Variants in SCHIP1 observed in about 807,000 individuals in gnomAD.
SCHIP1 encodes schwannomin-interacting protein 1.
SCHIP1 carries 8 observed loss-of-function variants against 29.7 expected under a neutral mutation model. The observed-to-expected ratio is 0.27, with a 90% confidence interval of 0.16 to 0.49. The LOEUF is 0.49. SCHIP1 is among the 20% of genes least tolerant of loss of function. The probability of loss-of-function intolerance (pLI) is 0.99; values close to 1 mark genes in which losing one functional copy is unlikely to be tolerated. For synonymous variants in SCHIP1, 76 were observed against 94.9 expected (o/e 0.80, Z 1.16); for missense variants, 193 against 294.6 (o/e 0.66, Z 2.52).
At chr3:159,767,883 C>T in the SCHIP1 span, among the ~76,000 whole-genome samples, 1 of 152,204 alleles carries the variant, frequency 6.6e-6, no homozygotes, top group South Asian at 2.1e-4. Flanking sequence ...TTTGGTCCCT[C>T]TGAAATGTAG....
chr3:159,492,382 T>A, the SCHIP1 span, among the ~76,000 whole-genome samples: 2 of 152,054 alleles, frequency 1.3e-5, no homozygotes, highest in Non-Finnish European at 2.9e-5. Context: ...GTAATTAGAA[T>A]AACCAATGCA....
chr3:159,545,225 G>A, the SCHIP1 span, among the ~76,000 whole-genome samples: 1 of 152,028 alleles, frequency 6.6e-6, no homozygotes, highest in Non-Finnish European at 1.5e-5. Context: ...TAGATTGAAG[G>A]ATACAAAGTA....
chr3:159,565,457 C>T, the SCHIP1 span, among the ~76,000 whole-genome samples: 1 of 152,190 alleles, frequency 6.6e-6, no homozygotes, highest in South Asian at 2.1e-4. Context: ...GGTTTTGGCG[C>T]ATCTCCTATG....
chr3:159,419,295 G>A, the SCHIP1 span, among the ~76,000 whole-genome samples: 1 of 152,118 alleles, frequency 6.6e-6, no homozygotes. Context: ...GACTAGAGGT[G>A]CTGTGTGTGA....
At chr3:159,385,026 C>T in the SCHIP1 span, among the ~76,000 whole-genome samples, 10 of 151,894 alleles carry the variant, frequency 6.6e-5, no homozygotes, top group South Asian at 2.1e-4. Flanking sequence ...GTCTTGCTAG[C>T]GGTCTATCAA....
the SCHIP1 span, among the ~76,000 whole-genome samples, chr3:159,754,383 T>C: frequency 6.6e-6 from 1 of 152,224 alleles, no homozygotes; most frequent in African/African-American, 2.4e-5. Flanking sequence ...TCTTGATTAT[T>C]AGTGAATTTC....
chr3:159,786,533 A>G, the SCHIP1 span, among the ~76,000 whole-genome samples: 2 of 152,218 alleles, frequency 1.3e-5, no homozygotes, highest in South Asian at 2.1e-4. Context: ...AATATCAATG[A>G]CTATTCTTCC....
chr3:159,768,253 C>T, the SCHIP1 span: 7 of 152,342 alleles, frequency 4.6e-5, no homozygotes, highest in East Asian at 5.8e-4. Flanking sequence ...TATTGCACTT[C>T]CTTAGAATTA....
At chr3:159,539,323 C>G in the SCHIP1 span, among the ~76,000 whole-genome samples, 9 of 88,710 alleles carry the variant, frequency 1.0e-4, 2 homozygotes, top group African/African-American at 2.9e-4. Flanking sequence ...AAGATGCATG[C>G]AAGAGAGCAT....
the SCHIP1 span, among the ~76,000 whole-genome samples, chr3:159,463,111 T>C: frequency 6.6e-6 from 1 of 151,712 alleles, no homozygotes; most frequent in African/African-American, 2.4e-5. Context: ...AATCTCTATA[T>C]ATAGTATATA....
At chr3:159,647,518 TA>T in the SCHIP1 span, among the ~76,000 whole-genome samples, 2 of 152,136 alleles carry the variant, frequency 1.3e-5, no homozygotes, top group Non-Finnish European at 2.9e-5. Flanking sequence ...ACAATAACGG[TA>T]AGCTTCATAT....
chr3:159,740,771 G>GAAAAAAAAAAAAAAAAA, the SCHIP1 span, among the ~76,000 whole-genome samples: 5 of 104,876 alleles, frequency 4.8e-5, no homozygotes, highest in South Asian at 3.6e-4. Context: ...CAAAAAAAAA[G>GAAAAAAAAAAAAAAAAA]AAAAAAAAAA....
the SCHIP1 span, among the ~76,000 whole-genome samples, chr3:159,592,310 C>A: frequency 6.6e-6 from 1 of 152,078 alleles, no homozygotes; most frequent in Non-Finnish European, 1.5e-5. Flanking sequence ...GGGGAAAGTA[C>A]CTCTGAACGT....
At chr3:159,712,846 A>AAGAAAGAAAGAAAGAAAGAAAG in the SCHIP1 span, among the ~76,000 whole-genome samples, 7 of 147,778 alleles carry the variant, frequency 4.7e-5, no homozygotes, top group African/African-American at 1.7e-4. Context: ...GAAAGAAAGA[A>AAGAAAGAAAGAAAGAAAGAAAG]AGAGAGAGAG....
chr3:159,726,931 A>G, the SCHIP1 span, among the ~76,000 whole-genome samples: 1 of 152,082 alleles, frequency 6.6e-6, no homozygotes, highest in Admixed American at 6.5e-5. Flanking sequence ...TATTTTTTGC[A>G]TTTACTTTTA....
the SCHIP1 span, among the ~76,000 whole-genome samples, chr3:159,382,734 G>C: frequency 6.6e-6 from 1 of 152,020 alleles, no homozygotes; most frequent in Non-Finnish European, 1.5e-5. Context: ...CAGTGTAAAA[G>C]TGTTCCTATT....
At chr3:159,857,703 A>C (rs1219723395) in intron 1 of SCHIP1, among the ~76,000 whole-genome samples, 2 of 151,940 alleles carry the variant, frequency 1.3e-5, no homozygotes, top group Non-Finnish European at 2.9e-5. Flanking sequence ...CATTCTTCTC[A>C]CTACCTTCCC....
the SCHIP1 span, among the ~76,000 whole-genome samples, chr3:159,752,577 G>A: frequency 6.6e-6 from 1 of 152,134 alleles, no homozygotes; most frequent in African/African-American, 2.4e-5. Context: ...TATGACAGAA[G>A]GTAAAGTGGG....
intron 2 of SCHIP1, among the ~76,000 whole-genome samples, chr3:159,876,852 G>A (rs1715866262): frequency 6.6e-6 from 1 of 152,154 alleles, no homozygotes. Flanking sequence ...TTGGGCCATC[G>A]GGAGATGGAG....
Sources: allele counts gnomAD v4.1 joint callset (sites outside exome capture counted in the v4.1 genomes callset), GRCh38; gene constraint gnomAD v4.1.1; transcripts MANE v1.5; gene names NCBI Gene and HGNC (gene_info 2026-07-23, HGNC 2026-07-21).